RNF135: variants seen among roughly 807,000 people sequenced by gnomAD.
The protein encoded by RNF135 is E3 ubiquitin-protein ligase RNF135.
A neutral mutation model predicts 41.9 loss-of-function variants in RNF135; 46 were observed. That is an observed-to-expected ratio of 1.10 (90% CI 0.87 to 1.40). The LOEUF (loss-of-function observed/expected upper bound fraction) is 1.40. Among genes scored for constraint, RNF135 ranks in the 40% most tolerant of loss-of-function variants. The probability of loss-of-function intolerance (pLI) is 0.00; values close to 1 mark genes in which losing one functional copy is unlikely to be tolerated. For synonymous variants in RNF135, 238 were observed against 223.8 expected (o/e 1.06, Z -0.57); for missense variants, 539 against 549.8 (o/e 0.98, Z 0.20).
chr17:30,970,182 C>CTT (rs1354873473), upstream of RNF135: 1 of 137,882 alleles, frequency 7.3e-6, no homozygotes, highest in African/African-American at 3.5e-5. Flanking sequence ...GCAAGTTTTT[C>CTT]TTTTTTCTCT....
intron 1 of RNF135, chr17:30,972,993 C>G (rs965316417): frequency 1.3e-5 from 2 of 152,378 alleles, no homozygotes; most frequent in South Asian, 4.1e-4. Flanking sequence ...CCAGGATGGT[C>G]TCGATCTCTT....
chr17:30,983,347 ATATATATTTTTTTT>A (rs1420778922), intron 1 of RNF135, among the ~76,000 whole-genome samples: 1 of 36,862 alleles, frequency 2.7e-5, no homozygotes, highest in South Asian at 1.0e-3. Flanking sequence ...ATATATATAT[ATATATATTTTTTTT>A]TTTTTTTTTT....
At chr17:30,992,367 C>T (rs1013453060) in intron 3 of RNF135, among the ~76,000 whole-genome samples, 12 of 151,486 alleles carry the variant, frequency 7.9e-5, no homozygotes, top group African/African-American at 2.9e-4. Context: ...CATGTCTGGC[C>T]TCAATTTTTT....
intron 1 of RNF135, among the ~76,000 whole-genome samples, chr17:30,981,600 C>G (rs1005918136): frequency 5.9e-5 from 9 of 152,150 alleles, no homozygotes; most frequent in African/African-American, 2.2e-4. Flanking sequence ...CCTGAATGGT[C>G]TTGATGCTCG....
chr17:30,993,146 C>T (rs1446849958), intron 3 of RNF135, among the ~76,000 whole-genome samples: 5 of 151,258 alleles, frequency 3.3e-5, no homozygotes, highest in African/African-American at 1.2e-4. Flanking sequence ...CCACAACCTC[C>T]GCCTCCCGGG....
chr17:30,998,677 C>G lies in RNF135; in HGVS notation c.785C>G (p.Thr262Ser), dbSNP rs761178249. The change falls in exon 5 of 5, where the codon ACC (threonine) becomes AGC (serine). Residue 262 changes from threonine to serine, a missense_variant. This residue lies in a region of RNF135 where 262 missense variants were observed against 336.9 expected (regional missense o/e 0.78). Coordinates refer to ENST00000328381, the MANE Select transcript of RNF135 (RefSeq NM_032322.4). The part of the protein sequence containing the change: ...SRFAQWAIHP[T>S]FNLKSLSCSL... Reference sequence around the variant, plus strand: ...TTTTCCAAAGGGGCCATCCATCCAACCTTTAACTTGAAGAGCCTTTCCTGC... The same window carrying G: ...TTTTCCAAAGGGGCCATCCATCCAAGCTTTAACTTGAAGAGCCTTTCCTGC... 6.2e-7 allele frequency: 1 copy of G among 1,613,912 alleles called. No individual in the cohort carries two copies. The highest frequency in any genetic ancestry group is 8.5e-7 in the Non-Finnish European group (1 of 1,179,928).
chr17:30,998,950 G>A lies in RNF135; in HGVS notation c.1058G>A (p.Gly353Glu). The change falls in exon 5 of 5, where the codon GGG becomes GAG. Residue 353 changes from glycine to glutamate, a missense_variant. By Grantham distance (98) the Gly-to-Glu change is moderately conservative. Transcript: ENST00000328381. The stretch of plus-strand genomic sequence containing the variant: ...GACTCTTGTTGTGTGGAATGGAAGG[G>A]GACTAGCCAGCTCTCTGCATGGCAC... ...TMDSCCVEWK[G>E]TSQLSAWHMV... 6.2e-7 allele frequency: 1 copy of A among 1,614,084 alleles called. No individual in the cohort carries two copies. Among genetic ancestry groups the A allele is most frequent in the South Asian group, 1.1e-5 (1 of 91,086 alleles).
At chr17:30,963,974 GT>G in the RNF135 span, among the ~76,000 whole-genome samples, 73 of 152,276 alleles carry the variant, frequency 4.8e-4, no homozygotes, top group Admixed American at 1.5e-3. Flanking sequence ...TTTAAGCAGT[GT>G]TTTGGCTTAT....
At chr17:30,972,570 G>C (rs1469876697) in intron 1 of RNF135, 2 of 152,148 alleles carry the variant, frequency 1.3e-5, no homozygotes, top group Non-Finnish European at 2.9e-5. Context: ...TCTAGCCCCT[G>C]CTCACATCTA....
chr17:30,971,601 A>T, intron 1 of RNF135, 156 bp downstream of exon 1: 1 of 1,352,292 alleles, frequency 7.4e-7, no homozygotes, highest in Non-Finnish European at 9.4e-7. Flanking sequence ...GGCACTTTGG[A>T]AAGTTCATAA....
chr17:30,998,168 C>T (rs981176389), intron 4 of RNF135, among the ~76,000 whole-genome samples: 29 of 152,180 alleles, frequency 1.9e-4, no homozygotes, highest in African/African-American at 6.8e-4. Flanking sequence ...GCCTCAGCCT[C>T]CCAAAGTGCT....
At chr17:30,967,704 CTTT>C (rs561517645), upstream of RNF135, among the ~76,000 whole-genome samples, 5 of 138,702 alleles carry the variant, frequency 3.6e-5, no homozygotes, top group Admixed American at 7.2e-5. Context: ...GACAAAATTT[CTTT>C]TTTTTTTTTT....
At chr17:30,969,167 T>C (rs1349927262), upstream of RNF135, 1 of 152,194 alleles carries the variant, frequency 6.6e-6, no homozygotes, top group African/African-American at 2.4e-5. Flanking sequence ...CCTCCCAAAG[T>C]GCTGAGATTA....
intron 2 of RNF135, among the ~76,000 whole-genome samples, chr17:30,986,095 T>G (rs556439364): frequency 6.6e-6 from 1 of 152,334 alleles, no homozygotes; most frequent in African/African-American, 2.4e-5. Context: ...ACCTTTCATT[T>G]GTAGTGGTTA....
At chr17:30,979,688 G>A (rs1409446550) in intron 1 of RNF135, among the ~76,000 whole-genome samples, 3 of 132,278 alleles carry the variant, frequency 2.3e-5, no homozygotes, top group Non-Finnish European at 3.3e-5. Flanking sequence ...CCTCCCGGAC[G>A]GGGCGGCTGG....
At chr17:30,979,808 G>A (rs1906889660) in intron 1 of RNF135, among the ~76,000 whole-genome samples, 4 of 130,772 alleles carry the variant, frequency 3.1e-5, no homozygotes, top group Admixed American at 1.4e-4. Flanking sequence ...CGGGCGGGGG[G>A]CTGACCCCCC....
chr17:30,984,547 C>T (rs1356926459), intron 1 of RNF135, 70 bp from the exon 2 acceptor site: 2 of 1,511,984 alleles, frequency 1.3e-6, no homozygotes, highest in Non-Finnish European at 1.8e-6. Context: ...ATTTATGATT[C>T]CCTCTGTCTA....
At chr17:30,961,691 C>T in the RNF135 span, among the ~76,000 whole-genome samples, 56 of 152,088 alleles carry the variant, frequency 3.7e-4, no homozygotes, top group African/African-American at 1.1e-3. Flanking sequence ...CTCAAACTCC[C>T]GACCTCAGGT....
At chr17:30,991,446 C>T (rs1351869334) in intron 3 of RNF135, among the ~76,000 whole-genome samples, 8 of 147,094 alleles carry the variant, frequency 5.4e-5, no homozygotes, top group African/African-American at 1.8e-4. Flanking sequence ...GACTGAGTCT[C>T]GCTCTTGTTG....
Sources: allele counts gnomAD v4.1 joint callset (sites outside exome capture counted in the v4.1 genomes callset), GRCh38; gene constraint gnomAD v4.1.1; regional missense constraint gnomAD v4.1.1; transcripts MANE v1.5; gene names NCBI Gene and HGNC (gene_info 2026-07-23, HGNC 2026-07-21).